RPE: variants seen among roughly 807,000 people sequenced by gnomAD.
The protein encoded by RPE is ribulose-phosphate 3-epimerase.
Under a neutral mutation model 24.6 loss-of-function variants are expected in RPE, and 16 were observed. The observed-to-expected ratio is 0.65, with a 90% CI of 0.44 to 0.99. RPE has a LOEUF of 0.99. Ranked by LOEUF, RPE falls within the 50% of genes least tolerant of loss-of-function variation. The pLI is 0.00. For missense variants in RPE, 240 were observed against 294.5 expected, an observed-to-expected ratio of 0.81 and a Z score of 1.35; for synonymous variants, 93 against 98.4, an observed-to-expected ratio of 0.94 and a Z score of 0.33.
At position 210,015,991 on chromosome 2, in the gene RPE, C is replaced by G; in HGVS notation, c.221C>G (p.Ser74Cys). 6.2e-7 allele frequency: 1 copy of G among 1,614,124 alleles called. No individual in the cohort carries two copies. The highest frequency in any genetic ancestry group is 8.5e-7 in the Non-Finnish European group (1 of 1,180,024). The change falls in exon 3 of 6, where the codon TCC (serine) becomes TGC (cysteine). Residue 74 changes from serine to cysteine, a missense_variant. Ser to Cys is a moderately radical substitution (Grantham distance 112). Transcript: ENST00000359429. ...DPFFDMHMMV[S>C]KPEQWVKPMA... Reference sequence around the variant, plus strand: ...TTTCTAGACATGCACATGATGGTGTCCAAGCCAGAACAGTGGGTAAAGCCA... The same window carrying G: ...TTTCTAGACATGCACATGATGGTGTGCAAGCCAGAACAGTGGGTAAAGCCA...
At chr2:210,006,194 A>G (rs1471327889) in intron 1 of RPE, among the ~76,000 whole-genome samples, 1 of 152,210 alleles carries the variant, frequency 6.6e-6, no homozygotes, top group East Asian at 1.9e-4. Context: ...TAAGTGAAAT[A>G]ATTAAGTGTT....
At chr2:210,012,954 C>CA (rs1329611977) in intron 2 of RPE, among the ~76,000 whole-genome samples, 1 of 152,178 alleles carries the variant, frequency 6.6e-6, no homozygotes, top group East Asian at 1.9e-4. Context: ...AAATACAAGA[C>CA]AAACAATGGG....
chr2:210,006,592 G>T (rs2093634005), intron 1 of RPE, among the ~76,000 whole-genome samples: 1 of 152,096 alleles, frequency 6.6e-6, no homozygotes, highest in Admixed American at 6.5e-5. Context: ...TTACTCGGGA[G>T]GTGGTTATTA....
intron 2 of RPE, among the ~76,000 whole-genome samples, chr2:210,015,292 G>A (rs758375197): frequency 1.3e-5 from 2 of 152,038 alleles, no homozygotes; most frequent in Admixed American, 6.6e-5. Context: ...TATTGCTATC[G>A]TAGCTTCCTC....
chr2:210,014,467 T>C (rs2093743613), intron 2 of RPE, among the ~76,000 whole-genome samples: 1 of 152,210 alleles, frequency 6.6e-6, no homozygotes, highest in Non-Finnish European at 1.5e-5. Context: ...TTAATACATT[T>C]TTTTAAGAAT....
intron 2 of RPE, among the ~76,000 whole-genome samples, chr2:210,013,818 T>C (rs1162468185): frequency 6.6e-6 from 1 of 152,058 alleles, no homozygotes; most frequent in Non-Finnish European, 1.5e-5. Flanking sequence ...TTTTTTAATG[T>C]AACTTAGAAT....
chr2:210,016,512 C>T lies in RPE; in HGVS notation c.348C>T (p.Gly116=). The stretch of plus-strand genomic sequence containing the variant: ...CATATTTGTGTCTGTTACAGGTTGG[C>T]CTTGCCATCAAACCAGGAACCTCAG... ...KDIRENGMKV[G]LAIKPGTSVE... The change falls in exon 4 of 6, where the codon GGC becomes GGT. Residue 116 remains glycine, a synonymous_variant. Transcript: ENST00000359429. 6.2e-7 allele frequency: 1 copy of T among 1,614,156 alleles called. No homozygotes were observed. The highest frequency in any genetic ancestry group is 8.5e-7 in the Non-Finnish European group (1 of 1,180,030).
chr2:210,019,319 CTG>C (rs1575328075), intron 5 of RPE, among the ~76,000 whole-genome samples: 1 of 152,042 alleles, frequency 6.6e-6, no homozygotes, highest in East Asian at 1.9e-4. Context: ...TTTTTAGTAA[CTG>C]TAGAGGCATT....
rs375765096 is a variant in RPE at position 210,002,687 on chromosome 2, C to G, written c.26C>G (p.Pro9Arg). Residue 9 changes from proline (P) to arginine (R), a missense_variant, in exon 1 of 6, where the codon CCG becomes CGG. Pro to Arg is a moderately radical substitution (Grantham distance 103, BLOSUM62 -2). Transcript: ENST00000359429. MASGCKIG[P>R]SILNSDLANL... is the part of the protein sequence containing the mutation. Reference sequence around the variant, plus strand: ...ATGGCGTCGGGCTGCAAGATTGGCCCGTCCATCCTCAACAGCGACCTGGCC... The same window carrying G: ...ATGGCGTCGGGCTGCAAGATTGGCCGGTCCATCCTCAACAGCGACCTGGCC... The G allele has an allele frequency of 6.2e-7, 1 of 1,614,030 alleles. No individual in the cohort carries two copies. The highest frequency in any genetic ancestry group is 2.2e-5 in the East Asian group (1 of 44,856).
At chr2:210,008,778 C>A (rs1040369599) in intron 1 of RPE, among the ~76,000 whole-genome samples, 1 of 152,154 alleles carries the variant, frequency 6.6e-6, no homozygotes, top group East Asian at 1.9e-4. Context: ...TCACTGCACC[C>A]TCCACCTCCC....
chr2:210,019,521 G>A (rs537521593), intron 5 of RPE, 148 bp from the exon 6 acceptor site: 2 of 844,834 alleles, frequency 2.4e-6, no homozygotes, highest in Non-Finnish European at 3.4e-6. Flanking sequence ...TATTGAACTA[G>A]ATTGCTTAAG....
intron 4 of RPE, 34 bp from the exon 5 acceptor site, chr2:210,017,439 T>G (rs766288582): frequency 1.0e-6 from 1 of 981,916 alleles, no homozygotes; most frequent in Admixed American, 2.0e-5. Context: ...ATACCCACTT[T>G]AGGAGTTACT....
chr2:210,009,921 A>G (rs956138096), intron 2 of RPE, among the ~76,000 whole-genome samples, 185 bp downstream of exon 2: 2 of 152,196 alleles, frequency 1.3e-5, no homozygotes, highest in Non-Finnish European at 2.9e-5. Context: ...GCTAATCTGC[A>G]TGGAAAGGTA....
chr2:210,008,292 G>GTTTTTTTTTT (rs35113335), intron 1 of RPE, among the ~76,000 whole-genome samples: 1 of 128,886 alleles, frequency 7.8e-6, no homozygotes. Flanking sequence ...GTTTGTTTTT[G>GTTTTTTTTTT]TTTTTTTTTT....
At chr2:210,007,870 A>G (rs2093650612) in intron 1 of RPE, among the ~76,000 whole-genome samples, 1 of 152,228 alleles carries the variant, frequency 6.6e-6, no homozygotes, top group Admixed American at 6.5e-5. Context: ...AAAAGAGTTC[A>G]GTGTGAGTGT....
chr2:210,015,899 T>C, intron 2 of RPE, 74 bp from the exon 3 acceptor site: 2 of 1,543,302 alleles, frequency 1.3e-6, no homozygotes, highest in Non-Finnish European at 1.8e-6. Context: ...TGGCAAAAAC[T>C]ACATACAGGT....
chr2:210,015,721 A>G (rs1364766802), intron 2 of RPE, among the ~76,000 whole-genome samples: 1 of 152,134 alleles, frequency 6.6e-6, no homozygotes, highest in African/African-American at 2.4e-5. Flanking sequence ...TGATTTTTAG[A>G]TGTTAACTTT....
intron 2 of RPE, among the ~76,000 whole-genome samples, chr2:210,013,183 T>C (rs138720955): frequency 2.7e-3 from 404 of 152,340 alleles, no homozygotes; most frequent in African/African-American, 9.1e-3. Flanking sequence ...ACAGAACATC[T>C]GTATTACAAC....
intron 5 of RPE, chr2:210,018,085 G>A (rs1267306226): frequency 7.0e-7 from 1 of 1,427,306 alleles, no homozygotes; most frequent in Non-Finnish European, 9.4e-7. Context: ...TGTTAAAATT[G>A]TAAATCCTGG....
Sources: allele counts gnomAD v4.1 joint callset (sites outside exome capture counted in the v4.1 genomes callset), GRCh38; gene constraint gnomAD v4.1.1; transcripts MANE v1.5; gene names NCBI Gene and HGNC (gene_info 2026-07-23, HGNC 2026-07-21).